The following RTF2 variants were observed in gnomAD, a reference collection of about 807,000 sequenced individuals.
RTF2 encodes the protein replication termination factor 2.
In RTF2, 18 loss-of-function variants were observed where a neutral mutation model predicts 38.0. The observed-to-expected ratio is 0.47, with a 90% CI of 0.33 to 0.70. RTF2 has a LOEUF of 0.70. Among genes scored for constraint, RTF2 ranks in the 30% least tolerant of loss-of-function variants. The pLI is 0.02. For missense variants in RTF2, 311 were observed against 379.6 expected (o/e 0.82, Z 1.50); for synonymous variants, 126 against 137.1 (o/e 0.92, Z 0.57).
At chr20:56,489,119 A>C (rs1982950370) in intron 5 of RTF2, among the ~76,000 whole-genome samples, 1 of 151,600 alleles carries the variant, frequency 6.6e-6, no homozygotes, top group African/African-American at 2.4e-5. Context: ...GCAGTGGTGC[A>C]ATCTTGGCTC....
intron 5 of RTF2, among the ~76,000 whole-genome samples, chr20:56,495,020 G>C (rs1884418): frequency 1.3e-5 from 2 of 151,894 alleles, no homozygotes; most frequent in African/African-American, 4.8e-5. Flanking sequence ...GTACTTTTCT[G>C]TATGAATCTT....
At chr20:56,493,735 T>C (rs965521104) in intron 5 of RTF2, among the ~76,000 whole-genome samples, 1 of 151,726 alleles carries the variant, frequency 6.6e-6, no homozygotes, top group Non-Finnish European at 1.5e-5. Flanking sequence ...GCAACTCAGC[T>C]ACACCTTGAT....
chr20:56,505,936 TTA>T (rs1301533743), intron 5 of RTF2, among the ~76,000 whole-genome samples: 1 of 152,198 alleles, frequency 6.6e-6, no homozygotes, highest in Non-Finnish European at 1.5e-5. Flanking sequence ...TGGGGTTTTT[TTA>T]TGTTTCTTAA....
At position 56,497,119 on chromosome 20, in the gene RTF2, C is replaced by T. The variant is rs766422412; in HGVS notation, c.477+12930C>T. ...TTCTCTGTCTTGGAGGAAATAAAAACGTTTTCAAAACAGTTAACCAAGGTT... is the reference window on the plus strand; with the variant it reads ...TTCTCTGTCTTGGAGGAAATAAAAATGTTTTCAAAACAGTTAACCAAGGTT... On this transcript the variant is annotated intron_variant, in intron 5 of 8. Transcript: ENST00000357348. The T allele has an allele frequency of 1.2e-5, 19 of 1,551,484 alleles. No homozygotes were observed. The South Asian group carries it at 1.7e-4, about 14-fold the overall frequency.
chr20:56,514,304 A>G (rs148419098), intron 6 of RTF2: 8 of 152,194 alleles, frequency 5.3e-5, no homozygotes, highest in African/African-American at 1.9e-4. Context: ...TACAGATGAT[A>G]GCTATGGAAT....
intron 5 of RTF2, among the ~76,000 whole-genome samples, chr20:56,512,009 A>G (rs1240574337): frequency 6.6e-6 from 1 of 151,910 alleles, no homozygotes; most frequent in African/African-American, 2.4e-5. Context: ...CACCATACAC[A>G]GTTTTTGTAT....
At chr20:56,476,208 C>T (rs750696611) in intron 3 of RTF2, among the ~76,000 whole-genome samples, 42 of 152,210 alleles carry the variant, frequency 2.8e-4, no homozygotes, top group African/African-American at 8.2e-4. Flanking sequence ...CTCGTTAGAC[C>T]GTGGCCTCAG....
intron 5 of RTF2, among the ~76,000 whole-genome samples, chr20:56,492,465 A>G (rs1367982912): frequency 6.8e-6 from 1 of 146,916 alleles, no homozygotes; most frequent in Non-Finnish European, 1.5e-5. Flanking sequence ...CACACCTGTA[A>G]TCCCAGCACT....
At chr20:56,470,162 G>A (rs1421018989) in intron 1 of RTF2, among the ~76,000 whole-genome samples, 9 of 152,222 alleles carry the variant, frequency 5.9e-5, no homozygotes, top group Non-Finnish European at 1.3e-4. Flanking sequence ...TGTACCCTCT[G>A]ATCATACGTA....
intron 8 of RTF2, 92 bp from the exon 9 acceptor site, chr20:56,517,995 A>T: frequency 2.3e-6 from 3 of 1,293,050 alleles, no homozygotes; most frequent in Non-Finnish European, 3.2e-6. Context: ...AACGTCTGGG[A>T]CAGAGTGACT....
At chr20:56,508,577 AG>A (rs1343052207) in intron 5 of RTF2, among the ~76,000 whole-genome samples, 1 of 152,146 alleles carries the variant, frequency 6.6e-6, no homozygotes, top group Non-Finnish European at 1.5e-5. Flanking sequence ...CATAGATATT[AG>A]AAAGATAAAT....
chr20:56,518,177 A>G lies in RTF2; in HGVS notation c.833A>G (p.Tyr278Cys), dbSNP rs1309082390. 2 of 1,614,192 alleles carry G rather than the reference A, an allele frequency of 1.2e-6. No individual in the cohort carries two copies. Among genetic ancestry groups the G allele is most frequent in the East Asian group, 2.2e-5 (1 of 44,884 alleles). ...SIADSEESEA[Y>C]KSLFTTHSSA... ...GCTGACAGTGAAGAATCGGAGGCCT[A>G]CAAGTCCCTCTTTACCACTCACAGC... Residue 278 changes from tyrosine (Y) to cysteine (C), a missense_variant, in exon 9 of 9, where the codon TAC becomes TGC. By Grantham distance (194) the Tyr-to-Cys change is radical (BLOSUM62 -2). Coordinates refer to ENST00000357348, the MANE Select transcript of RTF2 (RefSeq NM_016407.5).
chr20:56,506,845 C>T (rs932664785), intron 5 of RTF2, among the ~76,000 whole-genome samples: 17 of 152,080 alleles, frequency 1.1e-4, no homozygotes, highest in Non-Finnish European at 2.5e-4. Context: ...AGACTACAGG[C>T]GCCCACCACC....
At chr20:56,489,938 G>A (rs1405234284) in intron 5 of RTF2, among the ~76,000 whole-genome samples, 3 of 152,250 alleles carry the variant, frequency 2.0e-5, no homozygotes, top group East Asian at 3.8e-4. Flanking sequence ...CTGTAGAAAT[G>A]TGTGGGAAGG....
chr20:56,473,324 G>A lies in RTF2; in HGVS notation c.93G>A (p.Val31=). The part of the protein sequence containing the change: ...VEKVDKDAEL[V]AQWNYCTLSQ... The stretch of plus-strand genomic sequence containing the variant: ...AGGTCGACAAAGATGCTGAATTAGT[G>A]GCCCAATGGAACTATTGTACTCTAA... The change falls in exon 2 of 9, where the codon GTG becomes GTA. Residue 31 remains valine (V), a synonymous_variant. Coordinates refer to ENST00000357348, the MANE Select transcript of RTF2 (RefSeq NM_016407.5). 1 of 1,613,566 alleles carries A rather than the reference G, an allele frequency of 6.2e-7. No homozygotes were observed. Among genetic ancestry groups the A allele is most frequent in the South Asian group, 1.1e-5 (1 of 91,044 alleles).
intron 5 of RTF2, among the ~76,000 whole-genome samples, chr20:56,495,571 G>C (rs1600814062): frequency 6.6e-6 from 1 of 152,168 alleles, no homozygotes; most frequent in African/African-American, 2.4e-5. Context: ...TCATTTTTCA[G>C]CCCTTTCTCC....
Position 56,517,274 on chromosome 20 carries a change from C to A in RTF2, c.742+73C>A, listed in dbSNP as rs938404384. On this transcript the variant is annotated intron_variant, in intron 8 of 8. Transcript: ENST00000357348. ...CCCAGGTGGCCGAGTCCAGGTTTCA[C>A]TGGAGTGGGTGGATGGGAAGCCCAA... 16 of 1,210,150 alleles carry A rather than the reference C, an allele frequency of 1.3e-5. No homozygotes were observed. In the African/African-American group the frequency reaches 1.9e-4, roughly 15 times the overall value. The allele number at this position is 1,210,150 out of a possible 1,614,324, so 75.0% of individuals were successfully genotyped here. A position where few individuals can be genotyped will look rare whatever the true frequency, so the allele number is the denominator to read the frequency against.
chr20:56,497,115 A>C (rs1436697250), intron 5 of RTF2: 1 of 1,551,594 alleles, frequency 6.4e-7, no homozygotes, highest in African/African-American at 1.4e-5. Context: ...GGAGGAAATA[A>C]AAACGTTTTC....
At chr20:56,496,442 G>A (rs1983539991) in intron 5 of RTF2, among the ~76,000 whole-genome samples, 1 of 152,164 alleles carries the variant, frequency 6.6e-6, no homozygotes, top group African/African-American at 2.4e-5. Context: ...CAGCTACTGG[G>A]GAGGCTGAGG....
Sources: gnomAD v4.1 joint callset for allele counts (sites outside exome capture counted in the v4.1 genomes callset) on GRCh38, gnomAD v4.1.1 for gene constraint, MANE v1.5 for transcripts, NCBI Gene and HGNC (gene_info 2026-07-23, HGNC 2026-07-21) for gene names.